MAST2: variants seen among roughly 807,000 people sequenced by gnomAD.
The protein encoded by MAST2 is microtubule-associated serine/threonine-protein kinase 2.
A neutral mutation model predicts 147.4 loss-of-function variants in MAST2; 70 were observed. The ratio of observed to expected loss-of-function variants is 0.47; its 90% CI spans 0.39 to 0.58. The LOEUF (loss-of-function observed/expected upper bound fraction) is 0.58. Ranked by LOEUF, MAST2 falls within the 20% of genes least tolerant of loss-of-function variation. The pLI is 0.00. For missense variants in MAST2, 2,080 were observed against 2,302.3 expected (o/e 0.90, Z 1.98); for synonymous variants, 869 against 896.8 (o/e 0.97, Z 0.55).
At chr1:46,022,856 G>A in intron 12 of MAST2, 54 bp from the exon 13 acceptor site, 1 of 1,327,650 alleles carries the variant, frequency 7.5e-7, no homozygotes, top group South Asian at 1.2e-5. Flanking sequence ...TGAGGATACT[G>A]CTGAGATACC....
chr1:45,806,323 T>C (rs1289033848), intron 1 of MAST2, among the ~76,000 whole-genome samples: 2 of 152,250 alleles, frequency 1.3e-5, no homozygotes, highest in Admixed American at 6.5e-5. Flanking sequence ...GACTCATCCA[T>C]GTTGTTGCTT....
At chr1:45,838,215 C>CTTTTTT (rs61696475) in intron 3 of MAST2, among the ~76,000 whole-genome samples, 15 of 97,966 alleles carry the variant, frequency 1.5e-4, no homozygotes, top group Non-Finnish European at 2.2e-4. Context: ...TATATATATT[C>CTTTTTT]TTTTTTTTTT....
Position 46,030,698 on chromosome 1 carries a change from AT to A in MAST2, c.2647del (p.Ser883GlnfsTer15), listed in dbSNP as rs1557511807. 6.2e-7 allele frequency: 1 copy of A among 1,607,442 alleles called. No homozygotes were observed. The highest frequency in any genetic ancestry group is 1.7e-5 in the Admixed American group (1 of 58,010). ...AGCCTGAGTGAGGAGAAGGAGGACCATTCAGATGGCCTGGCAGGGCTCAAAG... is the reference window on the plus strand; with the variant it reads ...AGCCTGAGTGAGGAGAAGGAGGACCATCAGATGGCCTGGCAGGGCTCAAAG... ...KRSLSEEKED[H>X]SDGLAGLKGR... On this transcript the variant is annotated frameshift_variant, in exon 22 of 29. Transcript: ENST00000361297. LOFTEE classifies it high-confidence loss of function.
intron 11 of MAST2, 55 bp from the exon 12 acceptor site, chr1:46,021,895 C>T (rs1646198517): frequency 1.9e-6 from 3 of 1,593,000 alleles, no homozygotes; most frequent in South Asian, 2.2e-5. Context: ...ACCAAAGATG[C>T]CAGCAGCTTT....
chr1:45,977,991 G>A (rs751525649), intron 5 of MAST2, among the ~76,000 whole-genome samples: 3 of 151,938 alleles, frequency 2.0e-5, no homozygotes, highest in South Asian at 2.1e-4. Context: ...TTAGGTGGGC[G>A]GATCACTTGA....
chr1:45,894,219 A>T (rs900090432), intron 4 of MAST2, among the ~76,000 whole-genome samples: 10 of 85,264 alleles, frequency 1.2e-4, no homozygotes, highest in East Asian at 2.2e-4. Flanking sequence ...GTCTCAAATT[A>T]AAAAAAAAAA....
intron 6 of MAST2, among the ~76,000 whole-genome samples, chr1:45,999,633 TG>T (rs1165557421): frequency 6.6e-6 from 1 of 152,216 alleles, no homozygotes; most frequent in African/African-American, 2.4e-5. Context: ...GTCTGTGTAC[TG>T]GTTGTTTCCT....
chr1:45,811,738 G>A (rs1169984334), intron 1 of MAST2, among the ~76,000 whole-genome samples: 2 of 141,490 alleles, frequency 1.4e-5, no homozygotes, highest in East Asian at 2.2e-4. Flanking sequence ...GGTTCCCGCC[G>A]TTCTCCTGCC....
At chr1:46,026,944 G>A (rs751486801) in intron 16 of MAST2, among the ~76,000 whole-genome samples, 10 of 152,146 alleles carry the variant, frequency 6.6e-5, no homozygotes, top group Non-Finnish European at 1.2e-4. Flanking sequence ...TACCTTTGAT[G>A]TGTTACTCTA....
intron 4 of MAST2, among the ~76,000 whole-genome samples, chr1:45,888,311 G>A (rs1647179729): frequency 6.6e-6 from 1 of 151,996 alleles, no homozygotes; most frequent in African/African-American, 2.4e-5. Context: ...ACACTCACAA[G>A]TCTTTTCTGT....
intron 3 of MAST2, among the ~76,000 whole-genome samples, chr1:45,852,128 A>C (rs556485932): frequency 1.3e-5 from 2 of 152,292 alleles, no homozygotes; most frequent in African/African-American, 4.8e-5. Context: ...TAACTAGATT[A>C]TAGCCCTTAT....
At chr1:45,838,659 T>C (rs1371486332) in intron 3 of MAST2, among the ~76,000 whole-genome samples, 1 of 152,236 alleles carries the variant, frequency 6.6e-6, no homozygotes, top group Admixed American at 6.5e-5. Flanking sequence ...ATCAAATATA[T>C]GCCTTCTAAA....
At chr1:46,030,870 G>T in intron 22 of MAST2, 109 bp downstream of exon 22, 1 of 1,463,368 alleles carries the variant, frequency 6.8e-7, no homozygotes, top group East Asian at 2.5e-5. Flanking sequence ...CAGGGAGGGG[G>T]CATTCACAAG....
intron 12 of MAST2, among the ~76,000 whole-genome samples, chr1:46,022,290 A>C (rs1646221806): frequency 6.6e-6 from 1 of 152,258 alleles, no homozygotes. Context: ...GATAGATCCC[A>C]ACCTGGATTG....
intron 3 of MAST2, among the ~76,000 whole-genome samples, chr1:45,839,344 G>T (rs1645204214): frequency 6.6e-6 from 1 of 152,052 alleles, no homozygotes; most frequent in South Asian, 2.1e-4. Context: ...TGGCCAGGCT[G>T]GTCTCAAACT....
intron 5 of MAST2, among the ~76,000 whole-genome samples, chr1:45,979,182 AT>A (rs1187428750): frequency 6.6e-6 from 1 of 152,196 alleles, no homozygotes; most frequent in African/African-American, 2.4e-5. Context: ...GGAAGATGGC[AT>A]TGTTAAACCT....
At chr1:45,824,364 TTAATA>T in intron 1 of MAST2, 64 bp from the exon 2 acceptor site, 2 of 1,244,330 alleles carry the variant, frequency 1.6e-6, no homozygotes, top group Non-Finnish European at 1.1e-6. Flanking sequence ...GTAGAGATGT[TTAATA>T]TAAAGTTTTT....
intron 3 of MAST2, among the ~76,000 whole-genome samples, chr1:45,846,728 G>A (rs1198042802): frequency 6.6e-6 from 1 of 151,938 alleles, no homozygotes; most frequent in Non-Finnish European, 1.5e-5. Context: ...GGGAGGCTGA[G>A]GCAGGAGAAT....
chr1:45,970,143 T>A (rs1349459365), intron 5 of MAST2, among the ~76,000 whole-genome samples: 1 of 152,218 alleles, frequency 6.6e-6, no homozygotes, highest in Non-Finnish European at 1.5e-5. Context: ...AAACAGTTCC[T>A]TTTCCCTCCT....
Sources: allele counts gnomAD v4.1 joint callset (sites outside exome capture counted in the v4.1 genomes callset), GRCh38; gene constraint gnomAD v4.1.1; transcripts MANE v1.5; gene names NCBI Gene and HGNC (gene_info 2026-07-23, HGNC 2026-07-21).